TJP3: variants seen among roughly 807,000 people sequenced by gnomAD.
TJP3 encodes tight junction protein ZO-3.
A neutral mutation model predicts 104.2 loss-of-function variants in TJP3; 85 were observed. That is an observed-to-expected ratio of 0.82 (90% CI 0.68 to 0.98). The LOEUF (loss-of-function observed/expected upper bound fraction) is 0.98, where lower values mean the gene tolerates loss of function less well. Ranked by LOEUF, TJP3 falls within the 50% of genes least tolerant of loss-of-function variation. The pLI is 0.00. For missense variants in TJP3, 1,367 were observed against 1,322.8 expected (o/e 1.03, Z -0.52); for synonymous variants, 550 against 550.6 (o/e 1.00, Z 0.02).
At chr19:3,719,443 T>C (rs531609661) in intron 1 of TJP3, among the ~76,000 whole-genome samples, 1 of 150,500 alleles carries the variant, frequency 6.6e-6, no homozygotes, top group South Asian at 2.1e-4. Flanking sequence ...ATAAAATATG[T>C]GTGTGTGTGT....
intron 7 of TJP3, 192 bp from the exon 8 acceptor site, chr19:3,734,135 C>A: frequency 2.4e-6 from 2 of 826,954 alleles, no homozygotes; most frequent in Non-Finnish European, 3.7e-6. Flanking sequence ...GATTCTCGTG[C>A]CTTGGCCTCC....
intron 11 of TJP3, among the ~76,000 whole-genome samples, chr19:3,737,623 C>T (rs1307466833): frequency 1.3e-5 from 2 of 152,132 alleles, no homozygotes; most frequent in Non-Finnish European, 2.9e-5. Context: ...CAAGTCTCAC[C>T]CCCACTTTGC....
At chr19:3,720,901 CTT>C (rs370206267) in intron 1 of TJP3, among the ~76,000 whole-genome samples, 3,242 of 114,170 alleles carry the variant, frequency 0.028, 77 homozygotes, top group African/African-American at 0.1. Context: ...CCTTCCTTTT[CTT>C]TTTTTTTTTT....
intron 1 of TJP3, among the ~76,000 whole-genome samples, chr19:3,724,174 G>C (rs1006726827): frequency 2.0e-5 from 3 of 151,974 alleles, no homozygotes; most frequent in African/African-American, 7.2e-5. Flanking sequence ...CTCTGGGTTC[G>C]GGGGCCCTGG....
At chr19:3,717,119 C>T (rs2036486250) in intron 1 of TJP3, among the ~76,000 whole-genome samples, 1 of 146,700 alleles carries the variant, frequency 6.8e-6, no homozygotes, top group Non-Finnish European at 1.5e-5. Flanking sequence ...GCATGTGCCA[C>T]CACACCCAGC....
At chr19:3,749,437 T>TA (rs1315913687) in intron 19 of TJP3, among the ~76,000 whole-genome samples, 1 of 152,090 alleles carries the variant, frequency 6.6e-6, no homozygotes, top group Non-Finnish European at 1.5e-5. Flanking sequence ...ACTCCTGAGC[T>TA]AAAGGGAGCC....
chr19:3,746,469 C>G lies in TJP3; in HGVS notation c.2011-16C>G. On this transcript the variant is annotated splice_polypyrimidine_tract_variant and intron_variant, in intron 16 of 20. Transcript: ENST00000541714. This position sits in a 1 kb window ranked among gnomAD's most constrained non-coding sequence, Gnocchi z 4.1. ...CTGCAATCCCCCTCACCCCAACGTC[C>G]GCCGGCCTGGCCCAGGACAAGCATG... 6.2e-7 allele frequency: 1 copy of G among 1,613,314 alleles called. No individual in the cohort carries two copies. The highest frequency in any genetic ancestry group is 8.5e-7 in the Non-Finnish European group (1 of 1,179,770).
chr19:3,737,836 G>A (rs559393247), intron 11 of TJP3, among the ~76,000 whole-genome samples: 5 of 152,306 alleles, frequency 3.3e-5, no homozygotes, highest in African/African-American at 7.2e-5. Flanking sequence ...TCATGACCCC[G>A]AGAGTAGGTG....
Position 3,738,573 on chromosome 19 carries a change from C to A in TJP3, c.1303C>A (p.Gln435Lys). ...QILQVNDVPF[Q>K]NLTREEAVQF... ...CTGGCAGGTGAATGACGTGCCATTCCAGAACCTGACACGGGAGGAGGCAGT... is the reference window on the plus strand; with the variant it reads ...CTGGCAGGTGAATGACGTGCCATTCAAGAACCTGACACGGGAGGAGGCAGT... Residue 435 changes from glutamine to lysine, a missense_variant, in exon 12 of 21, where the codon CAG becomes AAG. Physicochemically the swap from Gln to Lys is moderately conservative, Grantham distance 53. Transcript: ENST00000541714. 1 of 1,613,714 alleles carries A rather than the reference C, an allele frequency of 6.2e-7. No homozygotes were observed. The highest frequency in any genetic ancestry group is 8.5e-7 in the Non-Finnish European group (1 of 1,179,840).
intron 6 of TJP3, among the ~76,000 whole-genome samples, 168 bp downstream of exon 6, chr19:3,732,206 T>C (rs1010289150): frequency 1.3e-5 from 2 of 152,106 alleles, no homozygotes; most frequent in African/African-American, 2.4e-5. Flanking sequence ...AAAACCCCCT[T>C]TTTCCCCAGC....
chr19:3,739,012 C>T lies in TJP3; in HGVS notation c.1509C>T (p.His503=), dbSNP rs151130736. The T allele has an allele frequency of 1.8e-4, 288 of 1,613,020 alleles. No homozygotes were observed. The highest frequency in any genetic ancestry group is 1.5e-3 in the Admixed American group (88 of 59,992). ...GLGFTRGDVF[H]VLDTLHPGPG... is the part of the protein sequence containing the mutation. ...GCTTCACCCGTGGCGACGTCTTCCA[C>T]GTGCTGGACACGCTGCACCCCGGCC... Residue 503 remains histidine (H), a synonymous_variant, in exon 13 of 21, where the codon CAC becomes CAT. Transcript: ENST00000541714.
At chr19:3,716,142 A>C (rs2036475208) in intron 1 of TJP3, among the ~76,000 whole-genome samples, 1 of 144,568 alleles carries the variant, frequency 6.9e-6, no homozygotes, top group Non-Finnish European at 1.6e-5. Flanking sequence ...GCGCCATCTC[A>C]GATCACTGCG....
intron 1 of TJP3, among the ~76,000 whole-genome samples, chr19:3,709,125 T>G (rs568495116): frequency 1.2e-4 from 19 of 152,284 alleles, no homozygotes; most frequent in African/African-American, 4.6e-4. Context: ...TTTGCTAATT[T>G]TTTTTTTGAG....
At chr19:3,745,979 C>T in intron 15 of TJP3, 32 bp from the exon 16 acceptor site, 1 of 1,567,722 alleles carries the variant, frequency 6.4e-7, no homozygotes, top group South Asian at 1.2e-5. Context: ...GGCTGCCCTC[C>T]TGAAGCTGCT....
intron 14 of TJP3, among the ~76,000 whole-genome samples, chr19:3,741,710 C>T (rs932924920): frequency 8.6e-5 from 13 of 150,342 alleles, no homozygotes; most frequent in Non-Finnish European, 7.4e-5. Context: ...GGCTCACGCC[C>T]GTAATCTCAA....
At chr19:3,723,014 CAG>C (rs906629596) in intron 1 of TJP3, among the ~76,000 whole-genome samples, 2 of 152,152 alleles carry the variant, frequency 1.3e-5, no homozygotes, top group Non-Finnish European at 2.9e-5. Context: ...CCCACCCTCT[CAG>C]AGTTCACCTG....
chr19:3,734,114 T>C (rs1283484528), intron 7 of TJP3, among the ~76,000 whole-genome samples: 2 of 152,180 alleles, frequency 1.3e-5, no homozygotes, highest in African/African-American at 4.8e-5. Flanking sequence ...CTCTGCCTCC[T>C]GGGTTCGAGC....
At chr19:3,734,615 G>A (rs943364109) in intron 8 of TJP3, among the ~76,000 whole-genome samples, 180 bp downstream of exon 8, 3 of 152,174 alleles carry the variant, frequency 2.0e-5, no homozygotes, top group East Asian at 1.9e-4. Flanking sequence ...AGCCGTGTCC[G>A]CATTTGTAGG....
rs10409928 is a variant in TJP3 at position 3,747,892 on chromosome 19, C to G, written c.2421C>G (p.Tyr807Ter). Residue 807 changes from tyrosine (Y) to a stop codon, truncating the protein, a stop_gained, in exon 19 of 21, where the codon TAC (tyrosine) becomes TAG (stop). Transcript: ENST00000541714. LOFTEE classifies it high-confidence loss of function. ...GCGACAGCCGCGTTAACAGCGACTA[C>G]GAGACGGACGGCGAGGGCGGCGCGT... ...LSCDSRVNSD[Y>*]ETDGEGGAYT... The G allele has an allele frequency of 6.2e-7, 1 of 1,613,060 alleles. No individual in the cohort carries two copies. Among genetic ancestry groups the G allele is most frequent in the Non-Finnish European group, 8.5e-7 (1 of 1,179,942 alleles).
Sources: gnomAD v4.1 joint callset for allele counts (sites outside exome capture counted in the v4.1 genomes callset) on GRCh38, gnomAD v4.1.1 for gene constraint, Gnocchi (gnomAD v3.1) non-coding constraint, MANE v1.5 for transcripts, NCBI Gene and HGNC (gene_info 2026-07-23, HGNC 2026-07-21) for gene names.